Variants in OPN3 observed in about 807,000 individuals in gnomAD.
The protein encoded by OPN3 is opsin 3.
Under a neutral mutation model 33.8 loss-of-function variants are expected in OPN3, and 29 were observed. That is an observed-to-expected ratio of 0.86 (90% CI 0.64 to 1.17). The LOEUF is 1.17. Ranked by LOEUF, OPN3 falls within the 50% of genes most tolerant of loss-of-function variation. The pLI is 0.00. For missense variants in OPN3, 437 were observed against 514.1 expected, an observed-to-expected ratio of 0.85 and a Z score of 1.45; for synonymous variants, 216 against 216.1, an observed-to-expected ratio of 1.00 and a Z score of 0.00.
At chr1:241,630,113 A>G (rs1558445747) in intron 1 of OPN3, 2 of 152,056 alleles carry the variant, frequency 1.3e-5, no homozygotes, top group Admixed American at 6.6e-5. Flanking sequence ...CTTAATCCCC[A>G]CAATAATTCT....
chr1:241,638,913 G>A (rs1478015042), intron 1 of OPN3, among the ~76,000 whole-genome samples: 2 of 152,054 alleles, frequency 1.3e-5, no homozygotes, highest in East Asian at 1.9e-4. Flanking sequence ...TGGATTTCAG[G>A]ATTTAAAAAA....
chr1:241,610,736 G>A (rs978054846), intron 1 of OPN3, among the ~76,000 whole-genome samples: 1 of 152,166 alleles, frequency 6.6e-6, no homozygotes, highest in African/African-American at 2.4e-5. Flanking sequence ...AGAGACATAT[G>A]TTTGAGGCCA....
intron 1 of OPN3, among the ~76,000 whole-genome samples, chr1:241,615,056 C>CATT (rs1174946288): frequency 6.6e-6 from 1 of 152,092 alleles, no homozygotes; most frequent in Non-Finnish European, 1.5e-5. Flanking sequence ...AAAAAAGGAT[C>CATT]ATTATTACAC....
intron 1 of OPN3, among the ~76,000 whole-genome samples, chr1:241,615,133 T>C (rs1664092071): frequency 7.1e-6 from 1 of 141,500 alleles, no homozygotes; most frequent in South Asian, 2.2e-4. Flanking sequence ...AGTTTGAATA[T>C]AAAGTAACTT....
At chr1:241,614,095 GA>G (rs1664063354) in intron 1 of OPN3, 1 of 152,202 alleles carries the variant, frequency 6.6e-6, no homozygotes, top group African/African-American at 2.4e-5. Context: ...TGGAATCCAT[GA>G]GGTGGAGGTT....
At chr1:241,617,091 A>C (rs1664152232) in intron 1 of OPN3, among the ~76,000 whole-genome samples, 1 of 152,194 alleles carries the variant, frequency 6.6e-6, no homozygotes, top group Admixed American at 6.5e-5. Flanking sequence ...TTCTAATTAG[A>C]TCTTTCCAGA....
At chr1:241,611,619 C>T (rs1325852005) in intron 1 of OPN3, among the ~76,000 whole-genome samples, 1 of 152,004 alleles carries the variant, frequency 6.6e-6, no homozygotes, top group Non-Finnish European at 1.5e-5. Flanking sequence ...ATTTAGGTGC[C>T]TGCAAATAAT....
chr1:241,635,257 A>G (rs760677884), intron 1 of OPN3: 4 of 1,613,820 alleles, frequency 2.5e-6, no homozygotes, highest in Non-Finnish European at 3.4e-6. Context: ...CCTCTACATC[A>G]GTTACTTCTA....
At chr1:241,612,554 C>T (rs1047323913) in intron 1 of OPN3, among the ~76,000 whole-genome samples, 1 of 152,154 alleles carries the variant, frequency 6.6e-6, no homozygotes, top group African/African-American at 2.4e-5. Flanking sequence ...GTGGTACATT[C>T]AGCATGGATT....
intron 1 of OPN3, chr1:241,630,356 T>A (rs1558445847): frequency 6.6e-6 from 1 of 152,112 alleles, no homozygotes; most frequent in Non-Finnish European, 1.5e-5. Context: ...TCTTAATTTA[T>A]CTCTATGTAG....
Position 241,593,582 on chromosome 1 carries a change from C to T in OPN3, c.*846G>A, listed in dbSNP as rs115975722. On this transcript the variant is annotated 3_prime_UTR_variant, in exon 4 of 4. Transcript: ENST00000366554. ...CCCACTTTAGGTTCCTTGGCTGGGG[C>T]CCCTATAACAAAAGACAGATTGACA... 4.0e-3 allele frequency: 934 copies of T among 232,904 alleles called. 8 individuals carry two copies. The highest frequency in any genetic ancestry group is 0.019 in the African/African-American group (850 of 45,464). 14.4% of individuals were successfully genotyped at this position (232,904 alleles called of 1,614,324 possible).
chr1:241,609,004 T>C (rs1298413030), intron 1 of OPN3, among the ~76,000 whole-genome samples: 1 of 152,228 alleles, frequency 6.6e-6, no homozygotes. Flanking sequence ...AATTAATTGC[T>C]GTATTTTATT....
At chr1:241,636,938 T>C (rs879732983) in intron 1 of OPN3, among the ~76,000 whole-genome samples, 1 of 140,450 alleles carries the variant, frequency 7.1e-6, no homozygotes, top group Non-Finnish European at 1.5e-5. Flanking sequence ...TTTGTTCTTA[T>C]TTTTGAAGGG....
intron 2 of OPN3, among the ~76,000 whole-genome samples, chr1:241,602,673 A>G (rs994912259): frequency 5.9e-5 from 9 of 151,854 alleles, no homozygotes; most frequent in African/African-American, 1.9e-4. Context: ...GAGAGAGAGA[A>G]AGAGCAAGCT....
chr1:241,596,724 A>AC (rs1226755503), intron 3 of OPN3, among the ~76,000 whole-genome samples: 2 of 152,334 alleles, frequency 1.3e-5, no homozygotes, highest in East Asian at 3.9e-4. Flanking sequence ...ATTCTCTGAA[A>AC]CGTAGAGGCT....
intron 1 of OPN3, among the ~76,000 whole-genome samples, chr1:241,606,546 A>AAAATAAATAAATAAATAAAT (rs10677298): frequency 7.0e-6 from 1 of 142,038 alleles, no homozygotes; most frequent in Non-Finnish European, 1.5e-5. Flanking sequence ...ACTCTGATTC[A>AAAATAAATAAATAAATAAAT]AAATAAATAA....
chr1:241,629,517 T>C (rs1664534489), intron 1 of OPN3: 1 of 152,146 alleles, frequency 6.6e-6, no homozygotes, highest in African/African-American at 2.4e-5. Context: ...GATATGCATA[T>C]AGTTTTACAA....
At chr1:241,611,450 C>T (rs958066093) in intron 1 of OPN3, among the ~76,000 whole-genome samples, 1 of 148,806 alleles carries the variant, frequency 6.7e-6, no homozygotes, top group Non-Finnish European at 1.5e-5. Context: ...GAAGCAGGTA[C>T]CACCTGAGTG....
chr1:241,627,915 C>A (rs1664469044), intron 1 of OPN3, among the ~76,000 whole-genome samples: 1 of 152,070 alleles, frequency 6.6e-6, no homozygotes, highest in Non-Finnish European at 1.5e-5. Flanking sequence ...GATCGAATTT[C>A]TTTATACTTC....
Sources: gnomAD v4.1 joint callset for allele counts (sites outside exome capture counted in the v4.1 genomes callset) on GRCh38, gnomAD v4.1.1 for gene constraint, MANE v1.5 for transcripts, NCBI Gene and HGNC (gene_info 2026-07-23, HGNC 2026-07-21) for gene names.